CPS1: variants seen among roughly 807,000 people sequenced by gnomAD.
CPS1 encodes the protein carbamoyl-phosphate synthase 1, also known as carbamoyl-phosphate synthase [ammonia], mitochondrial.
In CPS1, 109 loss-of-function variants were observed where a neutral mutation model predicts 174.6. That is an observed-to-expected ratio of 0.62 (90% CI 0.53 to 0.73). CPS1 has a LOEUF of 0.73. Ranked by LOEUF, CPS1 falls within the 30% of genes least tolerant of loss-of-function variation. CPS1 has a pLI of 0.00. For synonymous variants in CPS1, 637 were observed against 632.0 expected (o/e 1.01, Z -0.12); for missense variants, 1,689 against 1,821.9 (o/e 0.93, Z 1.33).
At chr2:210,600,216 G>T (rs1196920165) in intron 14 of CPS1, among the ~76,000 whole-genome samples, 1 of 151,760 alleles carries the variant, frequency 6.6e-6, no homozygotes, top group Non-Finnish European at 1.5e-5. Context: ...ATATATTTGG[G>T]ATTTTTTAAA....
chr2:210,577,226 C>T (rs551329816), intron 3 of CPS1, 195 bp from the exon 4 acceptor site: 11 of 603,062 alleles, frequency 1.8e-5, no homozygotes, highest in African/African-American at 1.3e-4. Flanking sequence ...CCTGCTCCCT[C>T]TCAGGATAAT....
At chr2:210,627,614 C>T (rs1699734686) in intron 21 of CPS1, among the ~76,000 whole-genome samples, 2 of 152,170 alleles carry the variant, frequency 1.3e-5, no homozygotes, top group African/African-American at 4.8e-5. Context: ...GACTATAAGG[C>T]AGCGACCATG....
chr2:210,613,839 A>T (rs1464889929), intron 20 of CPS1, among the ~76,000 whole-genome samples: 2 of 151,818 alleles, frequency 1.3e-5, no homozygotes. Context: ...GCTGCGTGTA[A>T]ATTATTGCCT....
Position 210,627,182 on chromosome 2 carries a change from T to C in CPS1, c.2688-10520T>C, listed in dbSNP as rs369469768. On this transcript the variant is annotated intron_variant, in intron 21 of 37. Transcript: ENST00000233072. ...AGGAATTTGCCCTTTTCCAAAACTC[T>C]TGGGGGAAAACACAGGAAGTCTGGC... Among the ~76,000 whole-genome samples, 18 of 152,232 alleles carry C rather than the reference T, an allele frequency of 1.2e-4. No homozygotes were observed. The East Asian group carries it at 1.5e-3, about 13-fold the overall frequency.
chr2:210,673,774 G>A (rs1224173296), intron 34 of CPS1: 2 of 152,014 alleles, frequency 1.3e-5, no homozygotes, highest in Non-Finnish European at 2.9e-5. Flanking sequence ...TTAGTTTATT[G>A]AACACTCATA....
At chr2:210,675,864 C>G in intron 36 of CPS1, 24 bp downstream of exon 36, 1 of 1,067,460 alleles carries the variant, frequency 9.4e-7, no homozygotes, top group Non-Finnish European at 1.5e-6. Flanking sequence ...ATACTGTTTT[C>G]TGAAATAATT....
At chr2:210,522,155 G>A (rs1289420361) in intron 1 of CPS1, among the ~76,000 whole-genome samples, 2 of 151,968 alleles carry the variant, frequency 1.3e-5, no homozygotes, top group Non-Finnish European at 2.9e-5. Context: ...ACATGCGAGT[G>A]TTGAATACTT....
chr2:210,660,372 C>A, intron 31 of CPS1, 113 bp from the exon 32 acceptor site: 1 of 1,050,440 alleles, frequency 9.5e-7, no homozygotes, highest in Non-Finnish European at 1.5e-6. Context: ...ATTAGCAAAA[C>A]AAGAGCTGGT....
At chr2:210,628,272 T>C (rs1287300097) in intron 21 of CPS1, among the ~76,000 whole-genome samples, 1 of 152,230 alleles carries the variant, frequency 6.6e-6, no homozygotes, top group African/African-American at 2.4e-5. Flanking sequence ...GCATTTTCTA[T>C]GTCTTCTTAT....
At chr2:210,579,910 C>T (rs1697858869) in intron 5 of CPS1, 140 bp downstream of exon 5, 2 of 712,872 alleles carry the variant, frequency 2.8e-6, no homozygotes, top group Non-Finnish European at 5.0e-6. Context: ...ATCTGGGTCT[C>T]TGTTATTTTG....
intron 1 of CPS1, among the ~76,000 whole-genome samples, chr2:210,521,209 G>A (rs1327048252): frequency 1.3e-5 from 2 of 151,958 alleles, no homozygotes; most frequent in African/African-American, 4.8e-5. Flanking sequence ...TTTTTTGAAA[G>A]ATTTCCTTGT....
intron 21 of CPS1, among the ~76,000 whole-genome samples, chr2:210,634,657 T>G (rs1333185846): frequency 6.6e-6 from 1 of 152,174 alleles, no homozygotes; most frequent in Non-Finnish European, 1.5e-5. Context: ...CCTCTCATGA[T>G]GTAGACATAT....
At chr2:210,646,855 A>G (rs895413505) in intron 25 of CPS1, among the ~76,000 whole-genome samples, 6 of 151,960 alleles carry the variant, frequency 3.9e-5, no homozygotes, top group African/African-American at 7.3e-5. Context: ...CTGGAAATCT[A>G]TTTCCTCACC....
intron 1 of CPS1, among the ~76,000 whole-genome samples, chr2:210,486,832 G>C (rs1214403090): frequency 6.6e-6 from 1 of 152,054 alleles, no homozygotes; most frequent in Non-Finnish European, 1.5e-5. Flanking sequence ...ATGCATTGTA[G>C]GTCAACTTCT....
intron 1 of CPS1, among the ~76,000 whole-genome samples, chr2:210,559,174 C>T (rs1697018453): frequency 6.6e-6 from 1 of 151,980 alleles, no homozygotes; most frequent in Admixed American, 6.6e-5. Flanking sequence ...TAGTTAAAAT[C>T]ATTAGGATGT....
At chr2:210,490,535 T>C (rs1694849355) in intron 1 of CPS1, among the ~76,000 whole-genome samples, 1 of 152,268 alleles carries the variant, frequency 6.6e-6, no homozygotes, top group Non-Finnish European at 1.5e-5. Flanking sequence ...CTTCTCGTTG[T>C]AAAGTGCATT....
intron 1 of CPS1, among the ~76,000 whole-genome samples, chr2:210,540,117 TATG>T (rs1332756047): frequency 6.6e-6 from 1 of 152,182 alleles, no homozygotes; most frequent in East Asian, 1.9e-4. Flanking sequence ...TAGTTTGAGT[TATG>T]ATAAGTTAAA....
At chr2:210,501,862 C>G (rs944680121) in intron 1 of CPS1, among the ~76,000 whole-genome samples, 2 of 152,116 alleles carry the variant, frequency 1.3e-5, no homozygotes, top group Admixed American at 6.6e-5. Flanking sequence ...AGCAGCCTCC[C>G]ATTACCCAGT....
At chr2:210,555,910 A>G (rs184834537), upstream of CPS1, among the ~76,000 whole-genome samples, 1 of 152,208 alleles carries the variant, frequency 6.6e-6, no homozygotes, top group East Asian at 1.9e-4. Context: ...TGACTTAGGA[A>G]TAGTGCTTAT....
Sources: allele counts gnomAD v4.1 joint callset (sites outside exome capture counted in the v4.1 genomes callset), GRCh38; gene constraint gnomAD v4.1.1; transcripts MANE v1.5; gene names NCBI Gene and HGNC (gene_info 2026-07-23, HGNC 2026-07-21).